CLCN4: variants seen among roughly 807,000 people sequenced by gnomAD.
CLCN4 encodes H(+)/Cl(-) exchange transporter 4.
In CLCN4, 1 loss-of-function variant was observed where a neutral mutation model predicts 41.7. That is an observed-to-expected ratio of 0.02 (90% confidence interval 0.01 to 0.11). The LOEUF (loss-of-function observed/expected upper bound fraction) is 0.11, where lower values mean the gene tolerates loss of function less well. Ranked by LOEUF, CLCN4 falls within the 10% of genes least tolerant of loss-of-function variation. CLCN4 has a pLI of 1.00. For missense variants in CLCN4, 287 were observed against 661.0 expected (o/e 0.43, Z 6.20); for synonymous variants, 277 against 285.8 (o/e 0.97, Z 0.31).
intron 5 of CLCN4, among the ~76,000 whole-genome samples, chrX:10,197,635 A>C (rs1007616542): frequency 5.4e-5 from 6 of 111,536 alleles, no homozygotes; most frequent in Admixed American, 3.8e-4. Flanking sequence ...GATTAACTCT[A>C]TGCAAGTGGT....
chrX:10,224,526 T>C (rs1248589500), intron 12 of CLCN4, among the ~76,000 whole-genome samples: 1 of 109,974 alleles, frequency 9.1e-6, no homozygotes. Flanking sequence ...ATGGACATAA[T>C]CCAGTTTAAG....
intron 11 of CLCN4, among the ~76,000 whole-genome samples, chrX:10,217,530 A>C (rs917553084): frequency 4.5e-5 from 5 of 111,888 alleles, no homozygotes; most frequent in Non-Finnish European, 7.5e-5. Flanking sequence ...AATTGCTCCC[A>C]GTTGAGAACC....
chrX:10,206,355 C>T lies in CLCN4; in HGVS notation c.556-3C>T. 1 of 1,199,359 alleles carries T rather than the reference C, an allele frequency of 8.3e-7. No individual in the cohort carries two copies. The highest frequency in any genetic ancestry group is 1.1e-6 in the Non-Finnish European group (1 of 885,465). On this transcript the variant is annotated splice_region_variant and splice_polypyrimidine_tract_variant and intron_variant, in intron 6 of 12. Coordinates refer to ENST00000380833, the MANE Select transcript of CLCN4 (RefSeq NM_001830.4). Reference sequence around the variant, plus strand: ...CCCTCTTGTTCTCCATCCTCTGTTTCAGATAAAGACCATTTTGAGCGGCTT... The same window carrying T: ...CCCTCTTGTTCTCCATCCTCTGTTTTAGATAAAGACCATTTTGAGCGGCTT...
intron 2 of CLCN4, among the ~76,000 whole-genome samples, chrX:10,165,427 C>T (rs905355079): frequency 2.7e-5 from 3 of 112,307 alleles, no homozygotes; most frequent in African/African-American, 9.7e-5. Context: ...GGTGGGCGCT[C>T]CCCCTGAGGG....
chrX:10,228,179 A>AT (rs1925036738), intron 12 of CLCN4, among the ~76,000 whole-genome samples: 1 of 110,639 alleles, frequency 9.0e-6, no homozygotes, highest in Non-Finnish European at 1.9e-5. Flanking sequence ...GATCGTATTC[A>AT]TTCTTTTAAA....
At chrX:10,167,267 T>C (rs1403666283) in intron 2 of CLCN4, among the ~76,000 whole-genome samples, 1 of 111,999 alleles carries the variant, frequency 8.9e-6, no homozygotes, top group Non-Finnish European at 1.9e-5. Flanking sequence ...CTCTGGTGTT[T>C]GGAGGGTTAG....
chrX:10,172,220 G>A (rs1489812130), intron 2 of CLCN4, among the ~76,000 whole-genome samples: 4 of 112,041 alleles, frequency 3.6e-5, no homozygotes, highest in Non-Finnish European at 5.6e-5. Context: ...AAGATGTCTG[G>A]TTTTCTCCAG....
At chrX:10,160,886 T>G in intron 2 of CLCN4, among the ~76,000 whole-genome samples, 1 of 111,288 alleles carries the variant, frequency 9.0e-6, no homozygotes, top group Non-Finnish European at 1.9e-5. Context: ...TTGCTGACTC[T>G]GCTTCCTTGG....
At chrX:10,200,982 C>G (rs1236197683) in intron 6 of CLCN4, among the ~76,000 whole-genome samples, 2 of 112,349 alleles carry the variant, frequency 1.8e-5, no homozygotes, top group Non-Finnish European at 3.8e-5. Context: ...AGCCACTGTA[C>G]CTAGCTGAGC....
chrX:10,179,784 T>G (rs1212531928), intron 2 of CLCN4, among the ~76,000 whole-genome samples: 1 of 112,627 alleles, frequency 8.9e-6, no homozygotes, highest in Non-Finnish European at 1.9e-5. Context: ...CAAATTGCTT[T>G]ACAAATGTCA....
intron 12 of CLCN4, among the ~76,000 whole-genome samples, chrX:10,230,782 CT>C (rs1255360391): frequency 3.9e-4 from 44 of 112,295 alleles, no homozygotes; most frequent in African/African-American, 1.4e-3. Flanking sequence ...TCAGTTTCCC[CT>C]ATTGTCAATA....
chrX:10,164,898 C>G (rs1243463076), intron 2 of CLCN4, among the ~76,000 whole-genome samples: 1 of 112,454 alleles, frequency 8.9e-6, no homozygotes, highest in Admixed American at 9.3e-5. Flanking sequence ...GTCAGGCTGC[C>G]GGTGGCTCCG....
intron 12 of CLCN4, among the ~76,000 whole-genome samples, chrX:10,232,063 A>C (rs1925140491): frequency 8.9e-6 from 1 of 112,008 alleles, no homozygotes; most frequent in Admixed American, 9.5e-5. Flanking sequence ...CTGTTTGCTT[A>C]GCATGCTCTT....
At chrX:10,229,862 C>T (rs1305115271) in intron 12 of CLCN4, among the ~76,000 whole-genome samples, 1 of 112,039 alleles carries the variant, frequency 8.9e-6, no homozygotes, top group African/African-American at 3.2e-5. Flanking sequence ...CATACATGTG[C>T]ATGTGTCTTT....
rs1925234903 is a variant in CLCN4 at position 10,235,799 on chromosome X, C to CACCT, written c.*2216_*2219dup. On this transcript the variant is annotated 3_prime_UTR_variant, in exon 13 of 13. Transcript: ENST00000380833. ...TCCTTCCAAAATAACATCAAGTAGC[C>CACCT]ACCTCAGTGTGACAATATCCAGTCA... 1 of 112,373 alleles carries CACCT rather than the reference C, an allele frequency of 8.9e-6. No individual in the cohort carries two copies. Among genetic ancestry groups the CACCT allele is most frequent in the Non-Finnish European group, 1.9e-5 (1 of 53,278 alleles). 9.3% of individuals were successfully genotyped at this position (112,373 alleles called of 1,213,427 possible).
intron 6 of CLCN4, among the ~76,000 whole-genome samples, chrX:10,198,481 C>T (rs1338757474): frequency 1.8e-5 from 2 of 112,277 alleles, no homozygotes; most frequent in Non-Finnish European, 3.8e-5. Context: ...ATGTGAGAGA[C>T]GATAGTGGAG....
intron 12 of CLCN4, among the ~76,000 whole-genome samples, chrX:10,231,107 A>G (rs773274992): frequency 8.9e-6 from 1 of 112,376 alleles, no homozygotes; most frequent in East Asian, 2.8e-4. Context: ...ATCATTCAGT[A>G]TGTAGCCTTT....
chrX:10,189,891 T>C (rs1359079363), intron 4 of CLCN4, among the ~76,000 whole-genome samples: 2 of 112,187 alleles, frequency 1.8e-5, no homozygotes, highest in African/African-American at 6.5e-5. Flanking sequence ...AGGGGGGTTG[T>C]GAATGAATGA....
At chrX:10,175,313 T>C (rs1227666942) in intron 2 of CLCN4, among the ~76,000 whole-genome samples, 3 of 111,202 alleles carry the variant, frequency 2.7e-5, no homozygotes, top group African/African-American at 9.8e-5. Flanking sequence ...AGTTACAGGT[T>C]GGAGGAGATG....
Sources: allele counts gnomAD v4.1 joint callset (sites outside exome capture counted in the v4.1 genomes callset), GRCh38; gene constraint gnomAD v4.1.1; transcripts MANE v1.5; gene names NCBI Gene and HGNC (gene_info 2026-07-23, HGNC 2026-07-21).